IMMP2L: variants seen among roughly 807,000 people sequenced by gnomAD.
The protein encoded by IMMP2L is inner mitochondrial membrane peptidase subunit 2.
Under a neutral mutation model 19.3 loss-of-function variants are expected in IMMP2L, and 18 were observed. The observed-to-expected ratio is 0.93, with a 90% CI of 0.64 to 1.38. The LOEUF (loss-of-function observed/expected upper bound fraction) is 1.38, where lower values mean the gene tolerates loss of function less well. Ranked by LOEUF, IMMP2L falls within the 40% of genes most tolerant of loss-of-function variation. IMMP2L has a pLI of 0.00. For missense variants in IMMP2L, 233 were observed against 218.2 expected (o/e 1.07, Z -0.43); for synonymous variants, 76 against 73.0 (o/e 1.04, Z -0.21).
intron 3 of IMMP2L, among the ~76,000 whole-genome samples, chr7:111,177,381 A>G (rs990832464): frequency 1.3e-5 from 2 of 151,952 alleles, no homozygotes; most frequent in African/African-American, 2.4e-5. Context: ...GGGTCTTGCT[A>G]TGTTGCTCAG....
intron 3 of IMMP2L, among the ~76,000 whole-genome samples, chr7:111,226,027 A>T (rs955518966): frequency 6.6e-6 from 1 of 152,134 alleles, no homozygotes; most frequent in Non-Finnish European, 1.5e-5. Context: ...CAAATAATTC[A>T]TACTCCAGAG....
intron 3 of IMMP2L, among the ~76,000 whole-genome samples, chr7:111,009,933 T>A (rs1241785188): frequency 2.0e-5 from 3 of 152,262 alleles, no homozygotes; most frequent in East Asian, 1.9e-4. Context: ...TATTTTTAAA[T>A]GTATGCCCTC....
chr7:110,737,527 G>A (rs1043939139), intron 5 of IMMP2L, among the ~76,000 whole-genome samples: 9 of 152,158 alleles, frequency 5.9e-5, no homozygotes, highest in Non-Finnish European at 1.2e-4. Context: ...CCCACCCCAA[G>A]AAGAGGTTGA....
At chr7:110,777,731 T>C (rs1398566110) in intron 5 of IMMP2L, among the ~76,000 whole-genome samples, 1 of 152,036 alleles carries the variant, frequency 6.6e-6, no homozygotes, top group Non-Finnish European at 1.5e-5. Flanking sequence ...ACAGATCCAC[T>C]ATATCAAAAT....
At chr7:111,491,876 A>C (rs1843137663) in intron 2 of IMMP2L, among the ~76,000 whole-genome samples, 1 of 152,006 alleles carries the variant, frequency 6.6e-6, no homozygotes, top group African/African-American at 2.4e-5. Flanking sequence ...ATTCCTATTG[A>C]ACTTTCACTG....
At chr7:111,086,142 C>T (rs929944046) in intron 3 of IMMP2L, among the ~76,000 whole-genome samples, 6 of 151,480 alleles carry the variant, frequency 4.0e-5, no homozygotes, top group African/African-American at 1.2e-4. Flanking sequence ...AAAAAAAAGA[C>T]GTGGACTGGT....
chr7:111,551,272 C>T (rs1020875473), intron 1 of IMMP2L, among the ~76,000 whole-genome samples: 1 of 151,916 alleles, frequency 6.6e-6, no homozygotes, highest in Non-Finnish European at 1.5e-5. Context: ...GAAAAAAGTA[C>T]AAATATTAAA....
Position 110,792,424 on chromosome 7 carries a change from C to A in IMMP2L, c.408+94169G>T, listed in dbSNP as rs574041839. 3.9e-4 allele frequency among the ~76,000 whole-genome samples: 59 copies of A among 149,492 alleles called. 1 individual carries two copies. Among genetic ancestry groups the A allele is most frequent in the African/African-American group, 1.5e-3 (58 of 38,966 alleles). On this transcript the variant is annotated intron_variant, in intron 5 of 5. Coordinates refer to ENST00000405709, the MANE Select transcript of IMMP2L (RefSeq NM_032549.4). ...TCAAACCCTGTAAGTTTTTTCCAGACCCTGCCACTTGGTTGATCTCTTGAT... is the reference window on the plus strand; with the variant it reads ...TCAAACCCTGTAAGTTTTTTCCAGAACCTGCCACTTGGTTGATCTCTTGAT...
chr7:110,740,302 A>G (rs987622017), intron 5 of IMMP2L, among the ~76,000 whole-genome samples: 6 of 152,194 alleles, frequency 3.9e-5, no homozygotes, highest in African/African-American at 1.2e-4. Flanking sequence ...CTTTGAAATG[A>G]TAAATAAAAT....
chr7:111,025,779 G>T (rs187577302), intron 3 of IMMP2L, among the ~76,000 whole-genome samples: 1 of 152,194 alleles, frequency 6.6e-6, no homozygotes, highest in East Asian at 1.9e-4. Flanking sequence ...CTAGATACAT[G>T]GAATGAATGG....
intron 3 of IMMP2L, among the ~76,000 whole-genome samples, chr7:111,273,437 G>A (rs911081846): frequency 2.6e-5 from 4 of 152,026 alleles, no homozygotes; most frequent in Non-Finnish European, 5.9e-5. Flanking sequence ...TGAGCTCATA[G>A]CCTAACAGGA....
intron 3 of IMMP2L, among the ~76,000 whole-genome samples, chr7:111,360,150 T>C (rs1829123334): frequency 1.3e-5 from 2 of 151,132 alleles, no homozygotes; most frequent in Non-Finnish European, 2.9e-5. Flanking sequence ...ATAATGTCAT[T>C]ACAAATCCAA....
Position 111,275,817 on chromosome 7 carries a change from GTCT to G in IMMP2L, c.239+211418_239+211420del, listed in dbSNP as rs556912644. Among the ~76,000 whole-genome samples, 194 of 152,182 alleles carry G rather than the reference GTCT, an allele frequency of 1.3e-3. 1 individual carries two copies. The highest frequency in any genetic ancestry group is 4.0e-3 in the Admixed American group (61 of 15,276). On this transcript the variant is annotated intron_variant, in intron 3 of 5. Coordinates refer to ENST00000405709, the MANE Select transcript of IMMP2L (RefSeq NM_032549.4). ...TTTAATAGCTATTGTAAATGGGATT[GTCT>G]TCTTGACTTGGTCCTCAGCTAGATT...
At chr7:111,083,628 A>C (rs187915469) in intron 3 of IMMP2L, among the ~76,000 whole-genome samples, 24 of 152,310 alleles carry the variant, frequency 1.6e-4, no homozygotes, top group African/African-American at 5.5e-4. Context: ...CTAGCGTGAC[A>C]ACTGTAGAAG....
intron 3 of IMMP2L, among the ~76,000 whole-genome samples, chr7:110,971,164 G>A (rs1443981486): frequency 2.0e-5 from 3 of 152,066 alleles, no homozygotes; most frequent in Non-Finnish European, 2.9e-5. Flanking sequence ...CCTGGAGAAT[G>A]TTATTGAAGA....
intron 3 of IMMP2L, among the ~76,000 whole-genome samples, chr7:111,284,683 G>A (rs548079231): frequency 6.6e-6 from 1 of 152,112 alleles, no homozygotes; most frequent in Non-Finnish European, 1.5e-5. Context: ...CAGGCACTGA[G>A]AGCAAAAAGA....
At chr7:111,023,483 C>T (rs1826495486) in intron 3 of IMMP2L, among the ~76,000 whole-genome samples, 1 of 151,422 alleles carries the variant, frequency 6.6e-6, no homozygotes, top group Admixed American at 6.6e-5. Context: ...GGTGGATCAC[C>T]TGAGATCAGG....
chr7:111,136,585 T>C (rs1276515667), intron 3 of IMMP2L, among the ~76,000 whole-genome samples: 1 of 152,186 alleles, frequency 6.6e-6, no homozygotes, highest in Admixed American at 6.5e-5. Flanking sequence ...ATTCAAGTCA[T>C]TAAAGTCTCT....
intron 3 of IMMP2L, among the ~76,000 whole-genome samples, chr7:111,084,679 TG>T (rs1049340409): frequency 7.4e-4 from 112 of 152,250 alleles, no homozygotes; most frequent in African/African-American, 2.5e-3. Flanking sequence ...CAGACAAGCA[TG>T]AAGATGACTT....
Sources: gnomAD v4.1 joint callset for allele counts (sites outside exome capture counted in the v4.1 genomes callset) on GRCh38, gnomAD v4.1.1 for gene constraint, MANE v1.5 for transcripts, NCBI Gene and HGNC (gene_info 2026-07-23, HGNC 2026-07-21) for gene names.